LMO7: variants seen among roughly 807,000 people sequenced by gnomAD.
The protein encoded by LMO7 is LIM domain 7.
A neutral mutation model predicts 206.5 loss-of-function variants in LMO7; 120 were observed. That is an observed-to-expected ratio of 0.58 (90% CI 0.50 to 0.68). The LOEUF (loss-of-function observed/expected upper bound fraction) is 0.68. LMO7 is among the 30% of genes least tolerant of loss of function. The probability of loss-of-function intolerance (pLI) is 0.00; values close to 1 mark genes in which losing one functional copy is unlikely to be tolerated. For synonymous variants in LMO7, 706 were observed against 681.5 expected, an observed-to-expected ratio of 1.04 and a Z score of -0.56; for missense variants, 1,959 against 1,957.9, an observed-to-expected ratio of 1.00 and a Z score of -0.01.
intron 4 of LMO7, among the ~76,000 whole-genome samples, chr13:75,772,029 A>G (rs1272422640): frequency 1.3e-5 from 2 of 152,116 alleles, no homozygotes; most frequent in Non-Finnish European, 2.9e-5. Context: ...GGTTGCAGAA[A>G]AGAGAGTGGG....
chr13:75,760,592 C>T (rs1057400840), intron 3 of LMO7: 69 of 1,362,198 alleles, frequency 5.1e-5, no homozygotes, highest in Non-Finnish European at 6.3e-5. Context: ...GGAAAGAGGG[C>T]GTTTGTTTGC....
At chr13:75,713,576 A>T (rs1270439421) in intron 2 of LMO7, among the ~76,000 whole-genome samples, 1 of 152,204 alleles carries the variant, frequency 6.6e-6, no homozygotes, top group Non-Finnish European at 1.5e-5. Context: ...TTGATCTCTT[A>T]GTCTGAATAT....
intron 2 of LMO7, among the ~76,000 whole-genome samples, chr13:75,626,593 A>ATATATATATATATAT (rs1566249204): frequency 1.5e-5 from 1 of 64,662 alleles, no homozygotes. Context: ...ATATATATAT[A>ATATATATATATATAT]AATTTTTTTG....
chr13:75,809,258 T>C (rs932857036), intron 11 of LMO7, 75 bp downstream of exon 11: 3 of 1,312,246 alleles, frequency 2.3e-6, no homozygotes, highest in Admixed American at 1.8e-5. Context: ...ATTTCTGGCA[T>C]GGCATGTCAC....
intron 4 of LMO7, among the ~76,000 whole-genome samples, chr13:75,761,568 C>T (rs992902316): frequency 5.9e-5 from 9 of 151,934 alleles, no homozygotes; most frequent in African/African-American, 1.5e-4. Context: ...CTGTTTTTCA[C>T]GATTTTAATA....
At chr13:75,775,467 A>G (rs889820983) in intron 4 of LMO7, among the ~76,000 whole-genome samples, 1 of 152,084 alleles carries the variant, frequency 6.6e-6, no homozygotes, top group Non-Finnish European at 1.5e-5. Context: ...TGAGACTTAA[A>G]TGGATTAAAC....
intron 3 of LMO7, among the ~76,000 whole-genome samples, chr13:75,731,347 C>T (rs1035181761): frequency 5.9e-5 from 9 of 152,102 alleles, no homozygotes; most frequent in African/African-American, 1.9e-4. Context: ...GGATAGTTAG[C>T]TCTTCTTGTT....
rs1173813914 is a variant in LMO7 at position 75,636,352 on chromosome 13, C to T, written c.-306C>T. ...TCCAAACTGTCGTCGGGGCTGGTGC[C>T]GCGCGCTGCCGCTGGGCACCCGCTT... On this transcript the variant is annotated 5_prime_UTR_variant, in exon 1 of 31. Transcript: ENST00000377534. The T allele has an allele frequency of 3.3e-6, 4 of 1,230,674 alleles. No individual in the cohort carries two copies. Among genetic ancestry groups the T allele is most frequent in the South Asian group, 1.7e-5 (1 of 57,934 alleles). The allele number at this position is 1,230,674 out of a possible 1,614,324, so 76.2% of individuals were successfully genotyped here. A position where few individuals can be genotyped will look rare whatever the true frequency, so the allele number is the denominator to read the frequency against.
chr13:75,714,305 G>T (rs1200998683), intron 2 of LMO7, among the ~76,000 whole-genome samples: 1 of 152,150 alleles, frequency 6.6e-6, no homozygotes, highest in Non-Finnish European at 1.5e-5. Context: ...CAAGGTATCT[G>T]ATGTGCCTAA....
At chr13:75,701,826 G>C (rs1443616123) in intron 1 of LMO7, among the ~76,000 whole-genome samples, 1 of 152,128 alleles carries the variant, frequency 6.6e-6, no homozygotes, top group Non-Finnish European at 1.5e-5. Context: ...AGCACATTTT[G>C]TATGTGTTTT....
chr13:75,807,757 G>A lies in LMO7; in HGVS notation c.1474G>A (p.Asp492Asn). ...CTTTAGAAAGTTCTCTGAGCAAGAT[G>A]ATTCTGTAGAGCGAGATATAATTTT... Reference protein sequence around the residue: ...EDFRKFSEQDDSVERDIILQC... With the variant: ...EDFRKFSEQDNSVERDIILQC... Residue 492 changes from aspartate to asparagine, a missense_variant, in exon 10 of 31, where the codon GAT becomes AAT. Coordinates refer to ENST00000377534, the MANE Select transcript of LMO7 (RefSeq NM_001306080.2). 2 of 1,613,966 alleles carry A rather than the reference G, an allele frequency of 1.2e-6. No homozygotes were observed. Among genetic ancestry groups the A allele is most frequent in the Non-Finnish European group, 1.7e-6 (2 of 1,179,878 alleles).
chr13:75,646,878 C>T (rs2037074906), intron 1 of LMO7, among the ~76,000 whole-genome samples: 1 of 152,186 alleles, frequency 6.6e-6, no homozygotes, highest in South Asian at 2.1e-4. Flanking sequence ...AGCCACCATG[C>T]CTGGCCTGGG....
chr13:75,803,402 G>A (rs1378938199), intron 7 of LMO7, among the ~76,000 whole-genome samples: 1 of 152,200 alleles, frequency 6.6e-6, no homozygotes, highest in Non-Finnish European at 1.5e-5. Context: ...CTGGTGAGAA[G>A]CAAGTAACAT....
chr13:75,666,196 A>G (rs951066214), intron 1 of LMO7, among the ~76,000 whole-genome samples: 9 of 152,230 alleles, frequency 5.9e-5, no homozygotes, highest in Non-Finnish European at 1.2e-4. Flanking sequence ...AATTGGTTTA[A>G]CCCATTTATG....
intron 19 of LMO7, among the ~76,000 whole-genome samples, 190 bp downstream of exon 19, chr13:75,836,647 C>G (rs1049433816): frequency 6.6e-6 from 1 of 152,170 alleles, no homozygotes; most frequent in Non-Finnish European, 1.5e-5. Flanking sequence ...CTGAATAGTT[C>G]AGGCACTGCA....
chr13:75,740,154 A>G (rs998705052), intron 3 of LMO7, among the ~76,000 whole-genome samples: 1 of 152,232 alleles, frequency 6.6e-6, no homozygotes, highest in Non-Finnish European at 1.5e-5. Flanking sequence ...TAAGCAGACA[A>G]TATGTGCCTT....
intron 4 of LMO7, among the ~76,000 whole-genome samples, chr13:75,794,417 G>A (rs2140737559): frequency 6.6e-6 from 1 of 152,202 alleles, no homozygotes; most frequent in African/African-American, 2.4e-5. Flanking sequence ...TTGATTCTTT[G>A]AAAGCTAAGT....
intron 1 of LMO7, among the ~76,000 whole-genome samples, chr13:75,668,420 G>C (rs1002742816): frequency 6.6e-6 from 1 of 152,100 alleles, no homozygotes; most frequent in Non-Finnish European, 1.5e-5. Flanking sequence ...GTTCTGGCTT[G>C]CCTGAAATTT....
intron 6 of LMO7, 83 bp from the exon 7 acceptor site, chr13:75,800,601 G>T: frequency 7.8e-7 from 1 of 1,277,196 alleles, no homozygotes; most frequent in Non-Finnish European, 1.1e-6. Flanking sequence ...CTTAAATTAG[G>T]CAAACAAGCA....
Sources: allele counts gnomAD v4.1 joint callset (sites outside exome capture counted in the v4.1 genomes callset), GRCh38; gene constraint gnomAD v4.1.1; transcripts MANE v1.5; gene names NCBI Gene and HGNC (gene_info 2026-07-23, HGNC 2026-07-21).